C4BPA: variants seen among roughly 807,000 people sequenced by gnomAD.
C4BPA encodes the protein complement component 4 binding protein alpha, also known as C4b-binding protein alpha chain.
C4BPA carries 31 observed loss-of-function variants against 63.7 expected under a neutral mutation model. The ratio of observed to expected loss-of-function variants is 0.49; its 90% CI spans 0.37 to 0.66. The LOEUF (loss-of-function observed/expected upper bound fraction) is 0.66, where lower values mean the gene tolerates loss of function less well. C4BPA is among the 30% of genes least tolerant of loss of function. The pLI, the probability that C4BPA is intolerant of heterozygous loss-of-function variation, is 0.00. For synonymous variants in C4BPA, 259 were observed against 254.7 expected, an observed-to-expected ratio of 1.02 and a Z score of -0.16; for missense variants, 572 against 723.3, an observed-to-expected ratio of 0.79 and a Z score of 2.40.
chr1:207,136,636 T>C lies in C4BPA; in HGVS notation c.1273+2044T>C, dbSNP rs576304108. On this transcript the variant is annotated intron_variant, in intron 9 of 11. Coordinates refer to ENST00000367070, the MANE Select transcript of C4BPA (RefSeq NM_000715.4). ...ATTGTCTTTCAGGACTGACCTTGAT[T>C]GGGCTGTAATGCAGCTTCCATTCAT... 2.6e-5 allele frequency among the ~76,000 whole-genome samples: 4 copies of C among 152,346 alleles called. No individual in the cohort carries two copies. In the South Asian group the frequency reaches 8.3e-4, roughly 32 times the overall value.
At chr1:207,144,508 A>G in intron 11 of C4BPA, 36 bp from the exon 12 acceptor site, 1 of 1,540,848 alleles carries the variant, frequency 6.5e-7, no homozygotes, top group Non-Finnish European at 8.8e-7. Flanking sequence ...TTAGAAGAGA[A>G]GCTTCTCAAT....
chr1:207,110,190 G>A (rs530598535), intron 1 of C4BPA, among the ~76,000 whole-genome samples: 2 of 152,262 alleles, frequency 1.3e-5, no homozygotes, highest in East Asian at 1.9e-4. Context: ...ATTGTACTTG[G>A]TATGTGGAGG....
chr1:207,124,347 A>T lies in C4BPA; in HGVS notation c.687A>T (p.Pro229=). 1 of 1,612,218 alleles carries T rather than the reference A, an allele frequency of 6.2e-7. No individual in the cohort carries two copies. ...ATGAAACAATAGGTGTTTGGAGACC[A>T]AGCCCTCCTACCTGTGAAAGTAAGT... is the stretch of plus-strand genomic sequence containing the variant. ...VENETIGVWR[P]SPPTCEKITC... is the part of the protein sequence containing the mutation. The change falls in exon 6 of 12, where the codon CCA becomes CCT. Residue 229 remains proline (P), a synonymous_variant. Coordinates refer to ENST00000367070, the MANE Select transcript of C4BPA (RefSeq NM_000715.4).
In C4BPA at chr1:207,124,283, C is replaced by CA. The variant is rs1558091736; in HGVS notation, c.624dup (p.Leu209ThrfsTer14). 1 of 1,613,954 alleles carries CA rather than the reference C, an allele frequency of 6.2e-7. No individual in the cohort carries two copies. On this transcript the variant is annotated frameshift_variant, in exon 6 of 12. Coordinates refer to ENST00000367070, the MANE Select transcript of C4BPA (RefSeq NM_000715.4). LOFTEE classifies it high-confidence loss of function. ...ACCTACAGCTGTGACCCCCGCTTCT[C>CA]ACTCTTGGGCCATGCCTCCATTTCT...
chr1:207,108,621 T>G (rs1469881450), intron 1 of C4BPA, among the ~76,000 whole-genome samples: 7 of 152,208 alleles, frequency 4.6e-5, no homozygotes, highest in African/African-American at 9.6e-5. Context: ...GAGGAAGGAA[T>G]AAGACAGAAT....
intron 7 of C4BPA, 115 bp downstream of exon 7, chr1:207,127,010 T>C: frequency 1.4e-6 from 1 of 703,026 alleles, no homozygotes; most frequent in Non-Finnish European, 2.4e-6. Flanking sequence ...AAAATTTACA[T>C]CTAGATCAAT....
Position 207,124,165 on chromosome 1 carries a change from C to T in C4BPA, c.515-10C>T. ...CTGAGTATTTCTTTCTCTTCACTCA[C>T]TTACCTCAGTTGTCAAGTGTAAGCC... On this transcript the variant is annotated splice_polypyrimidine_tract_variant and intron_variant, in intron 5 of 11. Transcript: ENST00000367070. The T allele has an allele frequency of 1.2e-6, 2 of 1,610,574 alleles. No individual in the cohort carries two copies. Among genetic ancestry groups the T allele is most frequent in the Non-Finnish European group, 1.7e-6 (2 of 1,177,236 alleles).
intron 4 of C4BPA, 27 bp from the exon 5 acceptor site, chr1:207,123,895 T>A: frequency 7.3e-7 from 1 of 1,376,180 alleles, no homozygotes; most frequent in African/African-American, 1.4e-5. Context: ...AGGAATTCCA[T>A]TAAAATCTTT....
rs1252878809 is a variant in C4BPA, at chr1:207,131,672, C to G, written c.1016C>G (p.Thr339Ser). Residue 339 changes from threonine to serine, a missense_variant, in exon 8 of 12, where the codon ACT becomes AGT. By Grantham distance (58) the Thr-to-Ser change is moderately conservative. Transcript: ENST00000367070. ...CGCTGTCATCCTGGCTACAAACCCA[C>G]TACAGATGAGCCTACGACTGTGATT... ...RYRCHPGYKP[T>S]TDEPTTVICQ... is the part of the protein sequence containing the mutation. 1.2e-6 allele frequency: 2 copies of G among 1,613,854 alleles called. No homozygotes were observed. Among genetic ancestry groups the G allele is most frequent in the Non-Finnish European group, 1.7e-6 (2 of 1,179,934 alleles).
In C4BPA at chr1:207,135,972, G is replaced by A. The variant is rs551442149; in HGVS notation, c.1273+1380G>A. Among the ~76,000 whole-genome samples, 10 of 152,280 alleles carry A rather than the reference G, an allele frequency of 6.6e-5. 1 individual carries two copies. The South Asian group carries it at 1.2e-3, about 19-fold the overall frequency. On this transcript the variant is annotated intron_variant, in intron 9 of 11. Transcript: ENST00000367070. ...ACACTCTATAACCCTTAAGATGACC[G>A]TGCTGACTGAGGTTCTGCAAGGAAG... is the stretch of plus-strand genomic sequence containing the variant.
chr1:207,112,874 T>A lies in C4BPA; in HGVS notation c.-25-127T>A, dbSNP rs928471550. On this transcript the variant is annotated intron_variant, in intron 1 of 11. Transcript: ENST00000367070. Reference sequence around the variant, plus strand: ...GTGCTGTAACATTTGTGCTCAGGGGTTTTTTTGTTTTGTTTCCACTCCAGG... The same window carrying A: ...GTGCTGTAACATTTGTGCTCAGGGGATTTTTTGTTTTGTTTCCACTCCAGG... 15 of 808,072 alleles carry A rather than the reference T, an allele frequency of 1.9e-5. No individual in the cohort carries two copies. In the Middle Eastern group the frequency reaches 1.4e-3, roughly 78 times the overall value. The allele number at this position is 808,072 out of a possible 1,614,324, so 50.1% of individuals were successfully genotyped here.
At chr1:207,125,975 C>T (rs565540519) in intron 6 of C4BPA, among the ~76,000 whole-genome samples, 54 of 152,020 alleles carry the variant, frequency 3.6e-4, no homozygotes, top group Admixed American at 1.0e-3. Flanking sequence ...TTCTGCTTGT[C>T]GGGGCATGGG....
At chr1:207,116,832 T>C (rs1209391770) in intron 4 of C4BPA, among the ~76,000 whole-genome samples, 1 of 152,170 alleles carries the variant, frequency 6.6e-6, no homozygotes, top group Non-Finnish European at 1.5e-5. Flanking sequence ...TCTTTTCATA[T>C]TGCTTTCCTG....
intron 1 of C4BPA, among the ~76,000 whole-genome samples, chr1:207,105,106 G>A (rs11120218): frequency 0.22 from 33,718 of 152,090 alleles, 5,115 homozygotes; most frequent in African/African-American, 0.43. Context: ...TCAACCACTT[G>A]TCTCTTTGCT....
At chr1:207,105,624 C>A (rs75522952) in intron 1 of C4BPA, among the ~76,000 whole-genome samples, 1,890 of 150,258 alleles carry the variant, frequency 0.013, 18 homozygotes, top group Non-Finnish European at 0.022. Context: ...GGAGCCAGTT[C>A]TTTCTGGAGT....
Position 207,112,360 on chromosome 1 carries a change from T to TG in C4BPA, c.-25-641_-25-640insG, listed in dbSNP as rs1553255619. Among the ~76,000 whole-genome samples, 787 of 150,554 alleles carry TG rather than the reference T, an allele frequency of 5.2e-3. 8 individuals carry two copies. The highest frequency in any genetic ancestry group is 0.018 in the African/African-American group (717 of 40,534). ...TTTTCCTGCCTTTTTGTTTTTTTTT[T>TG]TTTTTTTTATGTTTGTACCTTTCTT... On this transcript the variant is annotated intron_variant, in intron 1 of 11. Transcript: ENST00000367070.
At chr1:207,115,865 CATT>C (rs754192776) in intron 4 of C4BPA, among the ~76,000 whole-genome samples, 3 of 152,104 alleles carry the variant, frequency 2.0e-5, no homozygotes, top group Non-Finnish European at 2.9e-5. Context: ...AGAGTTTCCT[CATT>C]AATTTCTTTT....
chr1:207,130,294 C>A (rs1398758862), intron 7 of C4BPA, among the ~76,000 whole-genome samples: 3 of 152,116 alleles, frequency 2.0e-5, no homozygotes, highest in Non-Finnish European at 2.9e-5. Context: ...AAAAGATAGA[C>A]AATAACAAAT....
At chr1:207,132,624 A>G (rs559831976) in intron 8 of C4BPA, among the ~76,000 whole-genome samples, 1 of 152,382 alleles carries the variant, frequency 6.6e-6, no homozygotes, top group East Asian at 1.9e-4. Flanking sequence ...AATAGAATAA[A>G]AGATTTTAAT....
Sources: gnomAD v4.1 joint callset for allele counts (sites outside exome capture counted in the v4.1 genomes callset) on GRCh38, gnomAD v4.1.1 for gene constraint, MANE v1.5 for transcripts, NCBI Gene and HGNC (gene_info 2026-07-23, HGNC 2026-07-21) for gene names.